DDX60L: variants seen among roughly 807,000 people sequenced by gnomAD.
DDX60L encodes probable ATP-dependent RNA helicase DDX60-like.
Under a neutral mutation model 211.6 loss-of-function variants are expected in DDX60L, and 191 were observed. That is an observed-to-expected ratio of 0.90 (90% CI 0.80 to 1.02). The LOEUF (loss-of-function observed/expected upper bound fraction) is 1.02, where lower values mean the gene tolerates loss of function less well. Ranked by LOEUF, DDX60L falls within the 50% of genes least tolerant of loss-of-function variation. The pLI, the probability that DDX60L is intolerant of heterozygous loss-of-function variation, is 0.00. For missense variants in DDX60L, 2,007 were observed against 1,984.1 expected, an observed-to-expected ratio of 1.01 and a Z score of -0.22; for synonymous variants, 706 against 694.1, an observed-to-expected ratio of 1.02 and a Z score of -0.27.
At chr4:168,470,365 T>A (rs1435460354) in intron 4 of DDX60L, 2 of 152,234 alleles carry the variant, frequency 1.3e-5, no homozygotes, top group East Asian at 3.8e-4. Flanking sequence ...TTTATTCATC[T>A]AGGCAAGATA....
intron 13 of DDX60L, 55 bp from the exon 14 acceptor site, chr4:168,427,377 T>C: frequency 6.4e-7 from 1 of 1,563,950 alleles, no homozygotes; most frequent in African/African-American, 1.4e-5. Flanking sequence ...CATTATGACA[T>C]TTCACTAGTG....
intron 30 of DDX60L, chr4:168,380,041 T>G: frequency 2.3e-6 from 1 of 429,698 alleles, no homozygotes; most frequent in Admixed American, 4.0e-5. Flanking sequence ...AGCAGAACTG[T>G]TATACATAAC....
chr4:168,432,925 T>C, intron 11 of DDX60L, 85 bp downstream of exon 11: 1 of 788,712 alleles, frequency 1.3e-6, no homozygotes, highest in Non-Finnish European at 2.1e-6. Flanking sequence ...ATATGATATA[T>C]TACATAGACA....
At chr4:168,464,871 C>A (rs377271316) in intron 4 of DDX60L, among the ~76,000 whole-genome samples, 30 of 152,048 alleles carry the variant, frequency 2.0e-4, no homozygotes, top group East Asian at 1.3e-3. Flanking sequence ...TGTATATATA[C>A]ACCACATTTT....
intron 23 of DDX60L, 45 bp downstream of exon 23, chr4:168,406,557 C>G: frequency 7.1e-7 from 1 of 1,402,090 alleles, no homozygotes; most frequent in South Asian, 1.3e-5. Context: ...TCTGGAATAG[C>G]ATTAACTAAA....
chr4:168,358,096 C>A lies in DDX60L; in HGVS notation c.*51G>T, dbSNP rs1231288086. ...TTGTGTAAGCTTAATTATATCTCTC[C>A]TTGCAAAGGGATAAATACCACATAA... On this transcript the variant is annotated 3_prime_UTR_variant, in exon 38 of 38. Transcript: ENST00000682922. 6.5e-7 allele frequency: 1 copy of A among 1,526,914 alleles called. No homozygotes were observed. Among genetic ancestry groups the A allele is most frequent in the Non-Finnish European group, 8.9e-7 (1 of 1,117,946 alleles). The allele number at this position is 1,526,914 out of a possible 1,614,324, so 94.6% of individuals were successfully genotyped here. A position where few individuals can be genotyped will look rare whatever the true frequency, so the allele number is the denominator to read the frequency against.
chr4:168,448,140 A>C (rs1251711907), intron 9 of DDX60L, among the ~76,000 whole-genome samples: 1 of 152,210 alleles, frequency 6.6e-6, no homozygotes, highest in East Asian at 1.9e-4. Context: ...ATTTAAGGGA[A>C]TTAAATGCCA....
chr4:168,457,275 C>CACACACACACACAT, intron 6 of DDX60L, among the ~76,000 whole-genome samples: 1 of 151,022 alleles, frequency 6.6e-6, no homozygotes, highest in Admixed American at 6.6e-5. Flanking sequence ...CACACACACA[C>CACACACACACACAT]ACACACACAC....
At chr4:168,367,681 G>C (rs1441508036) in intron 36 of DDX60L, among the ~76,000 whole-genome samples, 19 of 152,172 alleles carry the variant, frequency 1.2e-4, no homozygotes, top group Admixed American at 1.2e-3. Flanking sequence ...GGAAAGTTTG[G>C]AACTTCCTAA....
chr4:168,463,042 T>C (rs1291141482), intron 4 of DDX60L, among the ~76,000 whole-genome samples: 10 of 152,064 alleles, frequency 6.6e-5, no homozygotes, highest in Admixed American at 5.9e-4. Context: ...CTTAACACTG[T>C]TGGTGGGAGT....
intron 18 of DDX60L, 99 bp downstream of exon 18, chr4:168,420,162 A>G (rs925324834): frequency 6.0e-5 from 62 of 1,026,650 alleles, no homozygotes; most frequent in Non-Finnish European, 7.5e-5. Flanking sequence ...CAGTGAAATG[A>G]TTTCTATAAG....
intron 30 of DDX60L, among the ~76,000 whole-genome samples, chr4:168,384,092 C>T (rs905547013): frequency 6.6e-6 from 1 of 152,164 alleles, no homozygotes; most frequent in African/African-American, 2.4e-5. Flanking sequence ...CATCAGACTC[C>T]AAGTTCTTTC....
Position 168,379,467 on chromosome 4 carries a change from G to T in DDX60L, c.4259C>A (p.Ala1420Glu), listed in dbSNP as rs199826168. 9.0e-4 allele frequency: 1,433 copies of T among 1,585,298 alleles called. 2 individuals are homozygous for T. Among genetic ancestry groups the T allele is most frequent in the Non-Finnish European group, 1.1e-3 (1,258 of 1,171,832 alleles). Residue 1420 changes from alanine to glutamate, a missense_variant, in exon 32 of 38, where the codon GCA (alanine) becomes GAA (glutamate). Ala to Glu is a moderately radical substitution (Grantham distance 107). Transcript: ENST00000682922. ...LNKKGNPKKF[A>E]GLASYLHGHE... ...ACCATGCAAATATGATGCAAGTCCT[G>T]CAAATTTCTTTGGATTACCCTTTTT...
Position 168,430,479 on chromosome 4 carries a change from T to C in DDX60L, c.1676A>G (p.Gln559Arg). ...DSSGASGEIL[Q>R]NTKPHQITKK... ...TTAGGTAAAATCTTTGCGATCTACC[T>C]GTAATATTTCACCACTGGCACCACT... Residue 559 changes from glutamine (Q) to arginine (R), a missense_variant and splice_region_variant, in exon 13 of 38, where the codon CAG becomes CGG. By Grantham distance (43) the Gln-to-Arg change is conservative (BLOSUM62 1). Transcript: ENST00000682922. 1 of 1,585,146 alleles carries C rather than the reference T, an allele frequency of 6.3e-7. No individual in the cohort carries two copies. The highest frequency in any genetic ancestry group is 8.5e-7 in the Non-Finnish European group (1 of 1,171,334).
intron 9 of DDX60L, among the ~76,000 whole-genome samples, chr4:168,445,623 A>G (rs1754657461): frequency 6.6e-6 from 1 of 152,078 alleles, no homozygotes; most frequent in Non-Finnish European, 1.5e-5. Context: ...TGATGCAAAA[A>G]TCCTCAATAA....
At chr4:168,421,192 GAGAA>G (rs1156765607) in intron 17 of DDX60L, among the ~76,000 whole-genome samples, 6 of 151,712 alleles carry the variant, frequency 4.0e-5, no homozygotes, top group Admixed American at 3.3e-4. Context: ...AAAGGGGAGA[GAGAA>G]AGAAAGAAAG....
chr4:168,390,965 C>G (rs575873246), intron 29 of DDX60L, among the ~76,000 whole-genome samples: 2 of 142,564 alleles, frequency 1.4e-5, no homozygotes, highest in East Asian at 2.0e-4. Flanking sequence ...TAACAAAAAC[C>G]TTTTTAAAAA....
At chr4:168,462,549 A>C (rs941963825) in intron 4 of DDX60L, among the ~76,000 whole-genome samples, 4 of 152,356 alleles carry the variant, frequency 2.6e-5, no homozygotes, top group Admixed American at 1.3e-4. Flanking sequence ...ACAGTGGCTC[A>C]CGCCTATAAT....
chr4:168,369,522 A>T (rs1740614224), intron 36 of DDX60L, among the ~76,000 whole-genome samples: 3 of 151,758 alleles, frequency 2.0e-5, no homozygotes, highest in Non-Finnish European at 4.4e-5. Flanking sequence ...ATGATATTGG[A>T]CTGGGCAAGG....
Sources: gnomAD v4.1 joint callset for allele counts (sites outside exome capture counted in the v4.1 genomes callset) on GRCh38, gnomAD v4.1.1 for gene constraint, MANE v1.5 for transcripts, NCBI Gene and HGNC (gene_info 2026-07-23, HGNC 2026-07-21) for gene names.